Variants in ADGRB3 observed in about 807,000 individuals in gnomAD.
ADGRB3 encodes adhesion G protein-coupled receptor B3.
In ADGRB3, 37 loss-of-function variants were observed where a neutral mutation model predicts 193.4. The observed-to-expected ratio is 0.19, with a 90% confidence interval of 0.15 to 0.25. The LOEUF (loss-of-function observed/expected upper bound fraction) is 0.25. Ranked by LOEUF, ADGRB3 falls within the 10% of genes least tolerant of loss-of-function variation. The pLI is 1.00. For synonymous variants in ADGRB3, 690 were observed against 644.2 expected, an observed-to-expected ratio of 1.07 and a Z score of -1.08; for missense variants, 1,637 against 1,852.9, an observed-to-expected ratio of 0.88 and a Z score of 2.14.
chr6:69,334,832 C>T (rs548728011), intron 24 of ADGRB3, among the ~76,000 whole-genome samples: 61 of 152,170 alleles, frequency 4.0e-4, no homozygotes, highest in Middle Eastern at 3.4e-3. Context: ...TGTCTATGTG[C>T]CTTTGGGTGT....
At chr6:68,663,296 T>G (rs977471513) in intron 3 of ADGRB3, among the ~76,000 whole-genome samples, 5 of 151,600 alleles carry the variant, frequency 3.3e-5, no homozygotes, top group Non-Finnish European at 7.4e-5. Flanking sequence ...TTGGAAGTGC[T>G]TCCTGATTTT....
At chr6:68,937,474 G>A (rs1157373427) in intron 5 of ADGRB3, among the ~76,000 whole-genome samples, 1 of 152,098 alleles carries the variant, frequency 6.6e-6, no homozygotes, top group African/African-American at 2.4e-5. Flanking sequence ...TTATCTTTTT[G>A]TCTAACCATT....
intron 3 of ADGRB3, among the ~76,000 whole-genome samples, chr6:68,686,825 C>A (rs1244544305): frequency 6.6e-6 from 1 of 152,064 alleles, no homozygotes; most frequent in East Asian, 1.9e-4. Flanking sequence ...CTGCTAATTT[C>A]TTTGGGGCAT....
At chr6:69,222,254 T>C (rs1765912062) in intron 17 of ADGRB3, among the ~76,000 whole-genome samples, 1 of 152,192 alleles carries the variant, frequency 6.6e-6, no homozygotes, top group South Asian at 2.1e-4. Context: ...GTTGTATTTA[T>C]ATAGAACTTT....
intron 5 of ADGRB3, among the ~76,000 whole-genome samples, chr6:68,937,895 G>T (rs1767524467): frequency 6.6e-6 from 1 of 152,118 alleles, no homozygotes; most frequent in South Asian, 2.1e-4. Context: ...ACTAAAAATT[G>T]ATTAGATGGT....
At chr6:69,148,026 A>G (rs1464895871) in intron 17 of ADGRB3, among the ~76,000 whole-genome samples, 1 of 151,884 alleles carries the variant, frequency 6.6e-6, no homozygotes, top group Non-Finnish European at 1.5e-5. Context: ...TTGTGTTTTT[A>G]TAGGTGAAGT....
chr6:69,122,177 G>A (rs1486263906), intron 17 of ADGRB3, among the ~76,000 whole-genome samples: 1 of 151,928 alleles, frequency 6.6e-6, no homozygotes, highest in Admixed American at 6.6e-5. Flanking sequence ...CATTGGGTGG[G>A]CGAGACTCCG....
intron 8 of ADGRB3, among the ~76,000 whole-genome samples, chr6:68,957,637 T>G (rs1768111267): frequency 6.6e-6 from 1 of 152,192 alleles, no homozygotes; most frequent in Non-Finnish European, 1.5e-5. Context: ...GGCTGTCTGA[T>G]TCCTGGGGGT....
At chr6:68,896,585 G>C (rs967506997) in intron 3 of ADGRB3, among the ~76,000 whole-genome samples, 11 of 152,092 alleles carry the variant, frequency 7.2e-5, no homozygotes, top group African/African-American at 2.7e-4. Context: ...TAATTGCAAA[G>C]GTAAAATCTG....
At chr6:69,083,264 T>C (rs1164576206) in intron 17 of ADGRB3, among the ~76,000 whole-genome samples, 1 of 152,214 alleles carries the variant, frequency 6.6e-6, no homozygotes, top group Non-Finnish European at 1.5e-5. Flanking sequence ...TCCGCTTTAT[T>C]TTGTAGCAAT....
rs374040876 is a variant in ADGRB3, at chr6:69,299,602, G to T, written c.2815-25270G>T. Among the ~76,000 whole-genome samples, 22 of 151,780 alleles carry T rather than the reference G, an allele frequency of 1.4e-4. No individual in the cohort carries two copies. The South Asian group carries it at 4.6e-3, about 32-fold the overall frequency. ...TCTAGTTTCATTCTTCTGCATATGG[G>T]TATCCAGTTTTCCCAGCACCATTAA... On this transcript the variant is annotated intron_variant, in intron 20 of 31. Coordinates refer to ENST00000370598, the MANE Select transcript of ADGRB3 (RefSeq NM_001704.3).
chr6:69,041,371 C>A (rs769685371), intron 13 of ADGRB3, among the ~76,000 whole-genome samples: 1 of 152,080 alleles, frequency 6.6e-6, no homozygotes. Flanking sequence ...CTTTTGATAA[C>A]CACCACTCTT....
chr6:68,945,725 C>A (rs1213068439), intron 6 of ADGRB3, among the ~76,000 whole-genome samples: 2 of 152,022 alleles, frequency 1.3e-5, no homozygotes, highest in African/African-American at 2.4e-5. Context: ...ATATTGTGAA[C>A]CAAGTTTCTC....
intron 17 of ADGRB3, among the ~76,000 whole-genome samples, chr6:69,206,409 A>G (rs929624136): frequency 6.6e-6 from 1 of 152,062 alleles, no homozygotes; most frequent in South Asian, 2.1e-4. Context: ...ATCCAGGATC[A>G]ATACTTTGTA....
chr6:69,232,952 G>A lies in ADGRB3; in HGVS notation c.2481-338G>A, dbSNP rs2127256932. The A allele has an allele frequency of 2.0e-5, 9 of 445,252 alleles. No homozygotes were observed. The South Asian group carries it at 2.8e-4, about 14-fold the overall frequency. The allele number at this position is 445,252 out of a possible 1,614,324, so 27.6% of individuals were successfully genotyped here. A position where few individuals can be genotyped will look rare whatever the true frequency, so the allele number is the denominator to read the frequency against. On this transcript the variant is annotated intron_variant, in intron 17 of 31. Transcript: ENST00000370598. ...TATTTGAAACAATCCGATGAGCATA[G>A]GAAGTGGCTGCCAACGCTCTGGCGG...
At chr6:68,770,945 C>G (rs1766605291) in intron 3 of ADGRB3, among the ~76,000 whole-genome samples, 1 of 152,052 alleles carries the variant, frequency 6.6e-6, no homozygotes, top group South Asian at 2.1e-4. Flanking sequence ...AAGTTAGTAT[C>G]TCTGAGCTGC....
chr6:69,368,864 GAGAAT>G (rs1393792951), intron 29 of ADGRB3, among the ~76,000 whole-genome samples: 3 of 152,096 alleles, frequency 2.0e-5, no homozygotes, highest in African/African-American at 7.2e-5. Context: ...ATGGAGTATT[GAGAAT>G]AGAATACAAG....
chr6:68,860,730 T>C (rs1765128132), intron 3 of ADGRB3, among the ~76,000 whole-genome samples: 1 of 152,218 alleles, frequency 6.6e-6, no homozygotes, highest in Non-Finnish European at 1.5e-5. Flanking sequence ...CTTTTTGATA[T>C]GACAATTTTT....
Position 69,378,118 on chromosome 6 carries a change from T to C in ADGRB3, c.4276-4713T>C, listed in dbSNP as rs192353651. Among the ~76,000 whole-genome samples the C allele has an allele frequency of 5.7e-4, 87 of 152,178 alleles. 1 individual carries two copies. The highest frequency in any genetic ancestry group is 2.0e-3 in the African/African-American group (83 of 41,532). On this transcript the variant is annotated intron_variant, in intron 30 of 31. Transcript: ENST00000370598. Reference sequence around the variant, plus strand: ...TGCTGTGTGCTAGGTGCCAGTGATATACAGACGAATAAGCAATTGTCCAGG... The same window carrying C: ...TGCTGTGTGCTAGGTGCCAGTGATACACAGACGAATAAGCAATTGTCCAGG...
Sources: gnomAD v4.1 joint callset for allele counts (sites outside exome capture counted in the v4.1 genomes callset) on GRCh38, gnomAD v4.1.1 for gene constraint, MANE v1.5 for transcripts, NCBI Gene and HGNC (gene_info 2026-07-23, HGNC 2026-07-21) for gene names.